Variants in NEB observed in about 807,000 individuals in gnomAD.
The protein encoded by NEB is nemaline myopathy type 2.
NEB carries 512 observed loss-of-function variants against 952.2 expected under a neutral mutation model. That is an observed-to-expected ratio of 0.54 (90% CI 0.50 to 0.58). The LOEUF (loss-of-function observed/expected upper bound fraction) is 0.58, where lower values mean the gene tolerates loss of function less well. NEB is among the 20% of genes least tolerant of loss of function. The pLI is 0.00. For synonymous variants in NEB, 2,900 were observed against 3,149.8 expected (o/e 0.92, Z 2.66); for missense variants, 8,428 against 9,231.1 (o/e 0.91, Z 3.56).
intron 80 of NEB, 118 bp from the exon 81 acceptor site, chr2:151,610,238 G>T (rs2097898035): frequency 1.2e-5 from 10 of 845,622 alleles, no homozygotes; most frequent in Admixed American, 2.9e-5. Context: ...TGGCATCTCT[G>T]AACTATTATA....
chr2:151,709,852 A>T, intron 11 of NEB, 89 bp from the exon 12 acceptor site: 1 of 917,018 alleles, frequency 1.1e-6, no homozygotes, highest in Non-Finnish European at 1.7e-6. Flanking sequence ...TGGAAAAGTT[A>T]CACAATGCCA....
rs747924748 is a variant in NEB at position 151,671,045 on chromosome 2, T to C, written c.4484A>G (p.His1495Arg). Residue 1495 changes from histidine to arginine, a missense_variant, in exon 38 of 182, where the codon CAT becomes CGT. Transcript: ENST00000397345. ...CACATCACTTAGCTGCTTTGTGTTA[T>C]GCTGAGCCAACACCATGCCCATGGA... ...PDSMGMVLAQ[H>R]NTKQLSDLNY... is the part of the protein sequence containing the mutation. 2 of 1,613,836 alleles carry C rather than the reference T, an allele frequency of 1.2e-6. No individual in the cohort carries two copies. The highest frequency in any genetic ancestry group is 1.3e-5 in the African/African-American group (1 of 74,938).
At chr2:151,675,851 C>T (rs1027380712) in intron 34 of NEB, among the ~76,000 whole-genome samples, 1 of 152,240 alleles carries the variant, frequency 6.6e-6, no homozygotes, top group Admixed American at 6.5e-5. Flanking sequence ...ATAATTTCCT[C>T]ATAATGTAGA....
rs1241491952 is a variant in NEB at position 151,651,012 on chromosome 2, C to A, written c.6916-127G>T. The A allele has an allele frequency of 1.6e-5, 14 of 880,688 alleles. No individual in the cohort carries two copies. In the East Asian group the frequency reaches 3.7e-4, roughly 23 times the overall value. The allele number at this position is 880,688 out of a possible 1,614,324, so 54.6% of individuals were successfully genotyped here. On this transcript the variant is annotated intron_variant, in intron 52 of 181. Transcript: ENST00000397345. Reference sequence around the variant, plus strand: ...CTATGTTTCCCAGGCTGGTCTTGAACTCCCAGGCCTACTTTTCTAGCTTCA... The same window carrying A: ...CTATGTTTCCCAGGCTGGTCTTGAAATCCCAGGCCTACTTTTCTAGCTTCA...
rs2098543878 is a variant in NEB, at chr2:151,627,270, A to C, written c.10144-65T>G. 4.5e-6 allele frequency: 7 copies of C among 1,538,798 alleles called. No individual in the cohort carries two copies. In the East Asian group the frequency reaches 1.6e-4, roughly 35 times the overall value. On this transcript the variant is annotated intron_variant, in intron 69 of 181. Transcript: ENST00000397345. Reference sequence around the variant, plus strand: ...GTTTTAACATGATTTCAAAAATAAAAAAATAACACTAGAAAGCTTGGATAG... The same window carrying C: ...GTTTTAACATGATTTCAAAAATAAACAAATAACACTAGAAAGCTTGGATAG...
intron 1 of NEB, 94 bp downstream of exon 1, chr2:151,734,304 C>CT (rs1244746154): frequency 6.6e-6 from 1 of 152,182 alleles, no homozygotes; most frequent in Non-Finnish European, 1.5e-5. Context: ...CTAATTTCCT[C>CT]AGTTATGGCC....
At position 151,678,007 on chromosome 2, in the gene NEB, C is replaced by T; in HGVS notation, c.3436G>A (p.Val1146Ile). The T allele has an allele frequency of 6.2e-7, 1 of 1,613,966 alleles. No homozygotes were observed. Among genetic ancestry groups the T allele is most frequent in the Non-Finnish European group, 8.5e-7 (1 of 1,179,866 alleles). ...KYNTPHDMFNVVAAKKAQDVV... is the reference protein window; with the variant it reads ...KYNTPHDMFNIVAAKKAQDVV... ...TCCTGGGCTTTCTTAGCCGCCACGA[C>T]ATTGAACATATCATGGGGCGTGTTG... is the stretch of plus-strand genomic sequence containing the variant. The change falls in exon 33 of 182, where the codon GTC (valine) becomes ATC (isoleucine). Residue 1146 changes from valine (V) to isoleucine (I), a missense_variant. This residue lies in a region of NEB where 2,851 missense variants were observed against 2,791.5 expected (regional missense o/e 1.02). Transcript: ENST00000397345.
chr2:151,721,838 A>G (rs1201162816), intron 9 of NEB, among the ~76,000 whole-genome samples: 1 of 152,230 alleles, frequency 6.6e-6, no homozygotes, highest in East Asian at 1.9e-4. Context: ...CTCACACAAT[A>G]AAATTGGTAT....
At chr2:151,723,355 A>T in intron 9 of NEB, 27 bp downstream of exon 9, 1 of 1,548,954 alleles carries the variant, frequency 6.5e-7, no homozygotes, top group Non-Finnish European at 8.8e-7. Flanking sequence ...CTGCACACCT[A>T]AGTGGTGCCA....
rs1318587515 is a variant in NEB, at chr2:151,650,233, G to A, written c.7374C>T (p.Ser2458=). 11 of 1,613,822 alleles carry A rather than the reference G, an allele frequency of 6.8e-6. No homozygotes were observed. The highest frequency in any genetic ancestry group is 2.2e-5 in the East Asian group (1 of 44,892). The change falls in exon 54 of 182, where the codon AGC becomes AGT. Residue 2458 remains serine (S), a synonymous_variant. Transcript: ENST00000397345. ...RQPPDRNKFT[S]IPDAMDIVLA... ...GAACTATATCCATGGCATCAGGAAT[G>A]CTGGTGAACTTGTTTCTGTCTGGAG...
intron 138 of NEB, among the ~76,000 whole-genome samples, chr2:151,539,582 G>T (rs2093733642): frequency 6.6e-6 from 1 of 152,196 alleles, no homozygotes; most frequent in African/African-American, 2.4e-5. Context: ...TCCTCTAGGG[G>T]TGTGGCTCTG....
intron 172 of NEB, among the ~76,000 whole-genome samples, chr2:151,496,612 AT>A (rs935587153): frequency 6.6e-6 from 1 of 151,700 alleles, no homozygotes; most frequent in African/African-American, 2.4e-5. Flanking sequence ...TATCCATGTT[AT>A]TTTTTTTCAT....
intron 157 of NEB, among the ~76,000 whole-genome samples, chr2:151,515,351 A>G (rs2077104688): frequency 6.6e-6 from 1 of 152,212 alleles, no homozygotes; most frequent in Non-Finnish European, 1.5e-5. Flanking sequence ...GCCTAAGGCT[A>G]CCAAATGCTA....
chr2:151,553,833 T>G lies in NEB; in HGVS notation c.19621A>C (p.Ser6541Arg), dbSNP rs779842159. 6 of 1,610,328 alleles carry G rather than the reference T, an allele frequency of 3.7e-6. No homozygotes were observed. The Admixed American group carries it at 1.0e-4, about 27-fold the overall frequency. ...TTCTTAAGTCACAGGCTTACATCGC[T>G]GATCTGATCTGTGACTTTCCTGACG... is the stretch of plus-strand genomic sequence containing the variant. ...DHVRKVTDQISDIVYKDDLNW... is the reference protein window; with the variant it reads ...DHVRKVTDQIRDIVYKDDLNW... The change falls in exon 126 of 182, where the codon AGC becomes CGC. Residue 6541 changes from serine (S) to arginine (R), a missense_variant. Ser to Arg is a moderately radical substitution (Grantham distance 110). Transcript: ENST00000397345.
At chr2:151,636,091 G>T in intron 64 of NEB, 136 bp downstream of exon 64, 1 of 739,912 alleles carries the variant, frequency 1.4e-6, no homozygotes, top group Non-Finnish European at 2.2e-6. Flanking sequence ...CCTTAAAACT[G>T]AGGTTTTGAA....
chr2:151,677,842 TA>T, intron 33 of NEB, 33 bp downstream of exon 33: 1 of 1,606,326 alleles, frequency 6.2e-7, no homozygotes, highest in Non-Finnish European at 8.5e-7. Flanking sequence ...CTGAACTTAA[TA>T]GGGGGGTTTC....
chr2:151,729,384 G>C (rs1322843986), intron 4 of NEB, among the ~76,000 whole-genome samples: 1 of 152,156 alleles, frequency 6.6e-6, no homozygotes, highest in Non-Finnish European at 1.5e-5. Context: ...AAGAAATAGG[G>C]GGAACCACCC....
In NEB at chr2:151,724,453, GCTT is replaced by G. The variant is rs1198008619; in HGVS notation, c.508-92_508-90del. 24 of 1,005,296 alleles carry G rather than the reference GCTT, an allele frequency of 2.4e-5. No homozygotes were observed. In the African/African-American group the frequency reaches 2.4e-4, roughly 10 times the overall value. The allele number at this position is 1,005,296 out of a possible 1,614,324, so 62.3% of individuals were successfully genotyped here. A position where few individuals can be genotyped will look rare whatever the true frequency, so the allele number is the denominator to read the frequency against. On this transcript the variant is annotated intron_variant, in intron 7 of 181. Transcript: ENST00000397345. ...AACAAAGGGAGACTCATGAAGGCATGCTTGCTCAGAGGTTGCCAATGGGTTACT... is the reference window on the plus strand; with the variant it reads ...AACAAAGGGAGACTCATGAAGGCATGGCTCAGAGGTTGCCAATGGGTTACT...
At chr2:151,649,158 T>C (rs562911495) in intron 54 of NEB, among the ~76,000 whole-genome samples, 2 of 152,348 alleles carry the variant, frequency 1.3e-5, no homozygotes, top group South Asian at 4.1e-4. Flanking sequence ...TGTTTTCTCA[T>C]TTTGTTGGAT....
Sources: allele counts gnomAD v4.1 joint callset (sites outside exome capture counted in the v4.1 genomes callset), GRCh38; gene constraint gnomAD v4.1.1; regional missense constraint gnomAD v4.1.1; transcripts MANE v1.5; gene names NCBI Gene and HGNC (gene_info 2026-07-23, HGNC 2026-07-21).